OPCML: variants seen among roughly 807,000 people sequenced by gnomAD.
The protein encoded by OPCML is opioid-binding protein/cell adhesion molecule.
OPCML carries 13 observed loss-of-function variants against 37.8 expected under a neutral mutation model. The ratio of observed to expected loss-of-function variants is 0.34; its 90% confidence interval spans 0.22 to 0.55. The LOEUF (loss-of-function observed/expected upper bound fraction) is 0.55. OPCML is among the 20% of genes least tolerant of loss of function. The pLI is 0.91. For missense variants in OPCML, 341 were observed against 435.6 expected (o/e 0.78, Z 1.93); for synonymous variants, 176 against 168.8 (o/e 1.04, Z -0.33).
intron 3 of OPCML, among the ~76,000 whole-genome samples, chr11:132,619,808 C>G (rs1591633475): frequency 6.9e-6 from 1 of 145,352 alleles, no homozygotes; most frequent in African/African-American, 2.6e-5. Context: ...GCGGAGATCT[C>G]GCTACTGCAC....
intron 2 of OPCML, among the ~76,000 whole-genome samples, chr11:132,866,495 G>T (rs186463731): frequency 6.6e-6 from 1 of 152,100 alleles, no homozygotes; most frequent in African/African-American, 2.4e-5. Context: ...GTTTTTTGTC[G>T]ATTTTTGACT....
intron 2 of OPCML, among the ~76,000 whole-genome samples, chr11:132,832,546 A>G (rs1940756927): frequency 6.6e-6 from 1 of 152,242 alleles, no homozygotes; most frequent in African/African-American, 2.4e-5. Context: ...AGATTTTCCA[A>G]AAAAGCCAAT....
chr11:133,162,593 C>T (rs368276203), intron 1 of OPCML, among the ~76,000 whole-genome samples: 143 of 152,246 alleles, frequency 9.4e-4, no homozygotes, highest in Non-Finnish European at 1.2e-3. Flanking sequence ...ACACTGCCGG[C>T]CACATCAACC....
chr11:132,784,650 G>C (rs891266112), intron 2 of OPCML, among the ~76,000 whole-genome samples: 1 of 152,148 alleles, frequency 6.6e-6, no homozygotes, highest in Non-Finnish European at 1.5e-5. Context: ...CTGGTGCGAG[G>C]TGTCTGGGTC....
chr11:133,095,291 T>TTG (rs1555092342), intron 1 of OPCML, among the ~76,000 whole-genome samples: 5 of 145,940 alleles, frequency 3.4e-5, no homozygotes, highest in African/African-American at 1.3e-4. Flanking sequence ...TTTTTTTTTT[T>TTG]TTTTTTTTTT....
intron 1 of OPCML, among the ~76,000 whole-genome samples, chr11:133,219,209 T>G (rs533786050): frequency 6.6e-6 from 1 of 152,316 alleles, no homozygotes; most frequent in African/African-American, 2.4e-5. Context: ...GTGCCATAAG[T>G]TAGCCAGTGA....
At chr11:132,555,886 G>A (rs994001517) in intron 3 of OPCML, among the ~76,000 whole-genome samples, 1 of 152,146 alleles carries the variant, frequency 6.6e-6, no homozygotes, top group Non-Finnish European at 1.5e-5. Context: ...TTTACAAAGA[G>A]AGTATAAAGA....
chr11:133,078,530 AT>A (rs1184223809), intron 1 of OPCML, among the ~76,000 whole-genome samples: 1 of 152,200 alleles, frequency 6.6e-6, no homozygotes, highest in African/African-American at 2.4e-5. Context: ...TGAAAAGGAA[AT>A]AATAATATAA....
At chr11:133,418,003 C>T in intron 1 of OPCML, 1 of 911,464 alleles carries the variant, frequency 1.1e-6, no homozygotes, top group Non-Finnish European at 1.3e-6. Context: ...GAGACGTAGG[C>T]AATTTCCTCT....
At chr11:132,890,936 G>A (rs1565941103) in intron 2 of OPCML, among the ~76,000 whole-genome samples, 1 of 151,230 alleles carries the variant, frequency 6.6e-6, no homozygotes, top group Admixed American at 6.6e-5. Flanking sequence ...GTCAGAGCTT[G>A]ATGAGCTCAG....
intron 1 of OPCML, among the ~76,000 whole-genome samples, chr11:133,330,560 A>G (rs919390155): frequency 6.6e-6 from 1 of 152,150 alleles, no homozygotes; most frequent in African/African-American, 2.4e-5. Context: ...GCTGGAAACC[A>G]TCATTCTCAG....
intron 2 of OPCML, among the ~76,000 whole-genome samples, chr11:132,678,978 G>A (rs913981780): frequency 1.3e-5 from 2 of 152,050 alleles, no homozygotes; most frequent in Non-Finnish European, 2.9e-5. Flanking sequence ...GAGAGCAGGG[G>A]ATGTGTGGGG....
rs78911645 is a variant in OPCML at position 132,807,799 on chromosome 11, T to C, written c.146+135127A>G. ...GCTAAACCCGTATCAATCAAAGGGA[T>C]AGAATTTATAAATCTCTGGTACATT... is the stretch of plus-strand genomic sequence containing the variant. On this transcript the variant is annotated intron_variant, in intron 2 of 7. Transcript: ENST00000524381. 2.0e-5 allele frequency among the ~76,000 whole-genome samples: 3 copies of C among 152,368 alleles called. No individual in the cohort carries two copies. The East Asian group carries it at 5.8e-4, about 29-fold the overall frequency.
intron 3 of OPCML, among the ~76,000 whole-genome samples, chr11:132,636,588 G>A (rs570046618): frequency 1.2e-4 from 19 of 152,246 alleles, no homozygotes; most frequent in African/African-American, 2.2e-4. Flanking sequence ...GGCTTTTCTC[G>A]GAAAAGAAAT....
intron 1 of OPCML, among the ~76,000 whole-genome samples, chr11:132,950,946 G>A (rs910816513): frequency 6.6e-6 from 1 of 152,196 alleles, no homozygotes; most frequent in African/African-American, 2.4e-5. Context: ...GTGAGTCGAA[G>A]GACCTGGGTT....
intron 1 of OPCML, among the ~76,000 whole-genome samples, chr11:133,003,147 A>T (rs1223551342): frequency 6.6e-6 from 1 of 152,252 alleles, no homozygotes; most frequent in East Asian, 1.9e-4. Context: ...AATGTCATCA[A>T]TGGTATTGTA....
chr11:133,306,471 G>C (rs148042223), intron 1 of OPCML, among the ~76,000 whole-genome samples: 2 of 152,112 alleles, frequency 1.3e-5, no homozygotes, highest in Non-Finnish European at 2.9e-5. Context: ...ATTTACAAAG[G>C]AAAATCTCTT....
chr11:133,356,193 C>A (rs1944285236), intron 1 of OPCML, among the ~76,000 whole-genome samples: 1 of 152,068 alleles, frequency 6.6e-6, no homozygotes, highest in Non-Finnish European at 1.5e-5. Flanking sequence ...TCTCTCTCAC[C>A]ACCACTAAAT....
chr11:132,507,520 C>A (rs551808025), intron 4 of OPCML, among the ~76,000 whole-genome samples: 1 of 151,734 alleles, frequency 6.6e-6, no homozygotes, highest in Non-Finnish European at 1.5e-5. Context: ...TGACAACTAT[C>A]GAACAGTTAT....
Sources: gnomAD v4.1 joint callset for allele counts (sites outside exome capture counted in the v4.1 genomes callset) on GRCh38, gnomAD v4.1.1 for gene constraint, MANE v1.5 for transcripts, NCBI Gene and HGNC (gene_info 2026-07-23, HGNC 2026-07-21) for gene names.